The following DPYSL3 variants were observed in gnomAD, a reference collection of about 807,000 sequenced individuals.
DPYSL3 encodes dihydropyrimidinase like 3, also known as dihydropyrimidinase-related protein 3.
DPYSL3 carries 16 observed loss-of-function variants against 66.1 expected under a neutral mutation model. That is an observed-to-expected ratio of 0.24 (90% confidence interval 0.16 to 0.37). DPYSL3 has a LOEUF of 0.37. Among genes scored for constraint, DPYSL3 ranks in the 10% least tolerant of loss-of-function variants. The pLI, the probability that DPYSL3 is intolerant of heterozygous loss-of-function variation, is 1.00. For missense variants in DPYSL3, 738 were observed against 916.2 expected, an observed-to-expected ratio of 0.81 and a Z score of 2.51; for synonymous variants, 338 against 345.1, an observed-to-expected ratio of 0.98 and a Z score of 0.23.
chr5:147,448,779 GCT>G (rs1307300306), intron 1 of DPYSL3, among the ~76,000 whole-genome samples: 1 of 152,142 alleles, frequency 6.6e-6, no homozygotes, highest in Non-Finnish European at 1.5e-5. Context: ...AATGTTCAGG[GCT>G]CTTTCTATAC....
chr5:147,394,148 G>C (rs759687251), intron 13 of DPYSL3, 25 bp from the exon 14 acceptor site: 3 of 1,608,906 alleles, frequency 1.9e-6, no homozygotes, highest in Non-Finnish European at 2.5e-6. Flanking sequence ...AAATTCCCAG[G>C]GGGAAAAAAA....
chr5:147,504,743 T>C (rs888937467), intron 1 of DPYSL3, among the ~76,000 whole-genome samples: 1 of 152,152 alleles, frequency 6.6e-6, no homozygotes, highest in African/African-American at 2.4e-5. Context: ...GCCAACTTCA[T>C]GAAGGAAACA....
At chr5:147,500,319 A>C (rs1049260737) in intron 1 of DPYSL3, among the ~76,000 whole-genome samples, 1 of 152,094 alleles carries the variant, frequency 6.6e-6, no homozygotes, top group Admixed American at 6.6e-5. Flanking sequence ...AACTCTTAAA[A>C]CTCAATGATA....
At chr5:147,412,459 T>C (rs1751873557) in intron 6 of DPYSL3, 149 bp downstream of exon 6, 1 of 683,422 alleles carries the variant, frequency 1.5e-6, no homozygotes, top group Admixed American at 2.6e-5. Context: ...TCCACCTAAA[T>C]TGTGAGGTAC....
At chr5:147,414,006 C>G (rs1412729230) in intron 4 of DPYSL3, among the ~76,000 whole-genome samples, 1 of 152,206 alleles carries the variant, frequency 6.6e-6, no homozygotes, top group Non-Finnish European at 1.5e-5. Flanking sequence ...CAGTTGTGTT[C>G]ATACCCTGGG....
intron 1 of DPYSL3, among the ~76,000 whole-genome samples, chr5:147,425,380 G>A (rs1343010731): frequency 6.6e-6 from 1 of 152,180 alleles, no homozygotes; most frequent in African/African-American, 2.4e-5. Flanking sequence ...AGAACTTATG[G>A]TTAGGCGTAC....
At chr5:147,432,134 A>C (rs1752327161) in intron 1 of DPYSL3, among the ~76,000 whole-genome samples, 1 of 152,180 alleles carries the variant, frequency 6.6e-6, no homozygotes, top group Non-Finnish European at 1.5e-5. Context: ...TCACCTAAAC[A>C]TACTTAATGA....
rs768136785 is a variant in DPYSL3 at position 147,462,817 on chromosome 5, C to T, written c.382-37854G>A. On this transcript the variant is annotated intron_variant, in intron 1 of 13. Transcript: ENST00000343218. ...AGGTATTTGTGGGAAAAAAAAGCCACGTGGAGGTCACACAAATGCCAATAG... is the reference window on the plus strand; with the variant it reads ...AGGTATTTGTGGGAAAAAAAAGCCATGTGGAGGTCACACAAATGCCAATAG... Among the ~76,000 whole-genome samples the T allele has an allele frequency of 5.9e-5, 9 of 152,164 alleles. No individual in the cohort carries two copies. The East Asian group carries it at 9.7e-4, about 16-fold the overall frequency.
intron 7 of DPYSL3, among the ~76,000 whole-genome samples, chr5:147,406,703 A>G (rs1321982319): frequency 6.6e-6 from 1 of 152,206 alleles, no homozygotes; most frequent in Non-Finnish European, 1.5e-5. Context: ...AAGTTAGTCC[A>G]ATTCAGCACA....
intron 1 of DPYSL3, among the ~76,000 whole-genome samples, chr5:147,484,690 AG>A (rs1753301249): frequency 2.0e-5 from 3 of 152,228 alleles, no homozygotes; most frequent in Admixed American, 1.3e-4. Flanking sequence ...AATTTTGGAT[AG>A]GGGTTAAAAA....
intron 1 of DPYSL3, among the ~76,000 whole-genome samples, chr5:147,434,685 C>T (rs564823905): frequency 3.6e-5 from 5 of 136,992 alleles, no homozygotes; most frequent in East Asian, 2.1e-4. Flanking sequence ...CCTAAAATGA[C>T]GAAGAGTAAA....
chr5:147,476,647 G>A (rs1321358871), intron 1 of DPYSL3, among the ~76,000 whole-genome samples: 1 of 152,104 alleles, frequency 6.6e-6, no homozygotes, highest in Admixed American at 6.5e-5. Flanking sequence ...ATGCAAACTG[G>A]TGAAATCTTC....
At chr5:147,437,716 T>C (rs186753806) in intron 1 of DPYSL3, among the ~76,000 whole-genome samples, 7 of 152,310 alleles carry the variant, frequency 4.6e-5, no homozygotes, top group African/African-American at 1.2e-4. Flanking sequence ...AGGGTCCTCA[T>C]TGTTAAAGCA....
At position 147,412,748 on chromosome 5, in the gene DPYSL3, G is replaced by A. The variant is rs911516535; in HGVS notation, c.883-60C>T. 1.6e-5 allele frequency: 23 copies of A among 1,466,170 alleles called. No individual in the cohort carries two copies. The East Asian group carries it at 4.8e-4, about 30-fold the overall frequency. The allele number at this position is 1,466,170 out of a possible 1,614,324, so 90.8% of individuals were successfully genotyped here. A position where few individuals can be genotyped will look rare whatever the true frequency, so the allele number is the denominator to read the frequency against. The stretch of plus-strand genomic sequence containing the variant: ...GCACTTTTAGCAGCCCCACAGAAGG[G>A]CCAATTACCAGAGCCCAAGCTAAAA... On this transcript the variant is annotated intron_variant, in intron 5 of 13. Coordinates refer to ENST00000343218, the MANE Select transcript of DPYSL3 (RefSeq NM_001197294.2).
intron 1 of DPYSL3, chr5:147,453,420 G>A (rs1752776326): frequency 3.0e-6 from 4 of 1,331,548 alleles, no homozygotes; most frequent in South Asian, 1.8e-5. Flanking sequence ...TCCGCCACCC[G>A]GACCCCGGGT....
intron 1 of DPYSL3, among the ~76,000 whole-genome samples, chr5:147,459,540 G>A (rs2126408186): frequency 6.6e-6 from 1 of 151,970 alleles, no homozygotes; most frequent in Non-Finnish European, 1.5e-5. Flanking sequence ...ATTATTAGAT[G>A]TCTACACATT....
At chr5:147,476,302 G>C (rs1258304149) in intron 1 of DPYSL3, among the ~76,000 whole-genome samples, 1 of 152,098 alleles carries the variant, frequency 6.6e-6, no homozygotes, top group Non-Finnish European at 1.5e-5. Context: ...TAAAATTTCA[G>C]TTATCCAGGG....
At chr5:147,419,352 G>T (rs533732155) in intron 2 of DPYSL3, among the ~76,000 whole-genome samples, 1 of 152,314 alleles carries the variant, frequency 6.6e-6, no homozygotes, top group East Asian at 1.9e-4. Context: ...CGCCCAGGAA[G>T]CTTCAGAGCA....
intron 2 of DPYSL3, among the ~76,000 whole-genome samples, chr5:147,421,018 A>T (rs1752066598): frequency 6.6e-6 from 1 of 152,222 alleles, no homozygotes; most frequent in African/African-American, 2.4e-5. Context: ...TGGCCAGGGA[A>T]ATCAGACAAG....
Sources: allele counts gnomAD v4.1 joint callset (sites outside exome capture counted in the v4.1 genomes callset), GRCh38; gene constraint gnomAD v4.1.1; transcripts MANE v1.5; gene names NCBI Gene and HGNC (gene_info 2026-07-23, HGNC 2026-07-21).